MEI1: variants seen among roughly 807,000 people sequenced by gnomAD.
MEI1 encodes the protein meiosis inhibitor protein 1.
In MEI1, 103 loss-of-function variants were observed where a neutral mutation model predicts 146.2. That is an observed-to-expected ratio of 0.70 (90% confidence interval 0.60 to 0.83). The LOEUF is 0.83. Ranked by LOEUF, MEI1 falls within the 40% of genes least tolerant of loss-of-function variation. The probability of loss-of-function intolerance (pLI) is 0.00; values close to 1 mark genes in which losing one functional copy is unlikely to be tolerated. For synonymous variants in MEI1, 652 were observed against 628.2 expected (o/e 1.04, Z -0.57); for missense variants, 1,529 against 1,533.0 (o/e 1.00, Z 0.04).
At chr22:41,721,410 A>AT (rs1189526066) in intron 6 of MEI1, among the ~76,000 whole-genome samples, 1 of 146,930 alleles carries the variant, frequency 6.8e-6, no homozygotes, top group Admixed American at 6.8e-5. Flanking sequence ...ACATCTGGCT[A>AT]TTTTTTTGTA....
intron 18 of MEI1, among the ~76,000 whole-genome samples, chr22:41,760,773 G>T (rs568337329): frequency 6.6e-6 from 1 of 152,306 alleles, no homozygotes; most frequent in African/African-American, 2.4e-5. Context: ...TGCATGCACC[G>T]GCGGTCAGAG....
chr22:41,791,278 C>T (rs1465012424), intron 26 of MEI1, among the ~76,000 whole-genome samples: 2 of 151,998 alleles, frequency 1.3e-5, no homozygotes, highest in East Asian at 1.9e-4. Flanking sequence ...CTTGAGTCTA[C>T]GAGTTCCAGA....
In MEI1 at chr22:41,730,569, C is replaced by A; in HGVS notation, c.1028C>A (p.Ser343Tyr). The A allele has an allele frequency of 6.2e-7, 1 of 1,613,896 alleles. No homozygotes were observed. Among genetic ancestry groups the A allele is most frequent in the South Asian group, 1.1e-5 (1 of 91,068 alleles). The change falls in exon 9 of 31, where the codon TCC becomes TAC. Residue 343 changes from serine to tyrosine, a missense_variant. Transcript: ENST00000401548. ...LSSSSEVLVW[S>Y]SCNCLTLLVE... ...TCTTCCAGTGAAGTGCTCGTCTGGTCCAGCTGTAACTGCTTGACACTCCTG... is the reference window on the plus strand; with the variant it reads ...TCTTCCAGTGAAGTGCTCGTCTGGTACAGCTGTAACTGCTTGACACTCCTG...
At chr22:41,796,413 C>G (rs981714427) in intron 30 of MEI1, among the ~76,000 whole-genome samples, 3 of 149,754 alleles carry the variant, frequency 2.0e-5, no homozygotes, top group Non-Finnish European at 3.0e-5. Context: ...ACAGGCTGGT[C>G]TCGAACTCCT....
chr22:41,768,639 CA>C (rs2074998996), intron 19 of MEI1, among the ~76,000 whole-genome samples: 1 of 152,064 alleles, frequency 6.6e-6, no homozygotes, highest in African/African-American at 2.4e-5. Flanking sequence ...TGGCAGAAAG[CA>C]AAGGGGAAGC....
chr22:41,723,803 T>A, intron 6 of MEI1, 140 bp from the exon 7 acceptor site: 2 of 1,112,382 alleles, frequency 1.8e-6, no homozygotes, highest in East Asian at 5.2e-5. Flanking sequence ...AAAAGCAAAT[T>A]GGTGCTTAAG....
rs780563802 is a variant in MEI1, at chr22:41,752,661, G to A, written c.1853+10G>A. The A allele has an allele frequency of 3.1e-6, 5 of 1,588,294 alleles. No homozygotes were observed. Among genetic ancestry groups the A allele is most frequent in the South Asian group, 1.2e-5 (1 of 86,538 alleles). On this transcript the variant is annotated intron_variant, in intron 16 of 30. Coordinates refer to ENST00000401548, the MANE Select transcript of MEI1 (RefSeq NM_152513.4). ...TTTGCAGTGGTCTGAGGTATGTGTGGTCCCAGGCAAGATTGAGTGGCCAAG... is the reference window on the plus strand; with the variant it reads ...TTTGCAGTGGTCTGAGGTATGTGTGATCCCAGGCAAGATTGAGTGGCCAAG...
intron 24 of MEI1, among the ~76,000 whole-genome samples, chr22:41,782,890 C>A (rs1472093225): frequency 6.6e-6 from 1 of 152,154 alleles, no homozygotes; most frequent in Non-Finnish European, 1.5e-5. Context: ...CTAACTCAGG[C>A]CTGATCATTC....
chr22:41,732,796 TG>T (rs2071980397), intron 11 of MEI1, among the ~76,000 whole-genome samples, 193 bp downstream of exon 11: 1 of 150,228 alleles, frequency 6.7e-6, no homozygotes, highest in African/African-American at 2.5e-5. Flanking sequence ...TTTTTTTTTT[TG>T]GAGATGGAGT....
Position 41,748,192 on chromosome 22 carries a change from T to C in MEI1, c.1766T>C (p.Met589Thr). 1.2e-6 allele frequency: 2 copies of C among 1,613,700 alleles called. No homozygotes were observed. The highest frequency in any genetic ancestry group is 1.7e-6 in the Non-Finnish European group (2 of 1,179,684). Residue 589 changes from methionine (M) to threonine (T), a missense_variant, in exon 15 of 31, where the codon ATG becomes ACG. Physicochemically the swap from Met to Thr is moderately conservative, Grantham distance 81. Coordinates refer to ENST00000401548, the MANE Select transcript of MEI1 (RefSeq NM_152513.4). The stretch of plus-strand genomic sequence containing the variant: ...AACCTCTTTGTCATCGTTCCCCACA[T>C]GAAGGAGAAGTTTTCCAAGAAGCTT... ...LHNLFVIVPH[M>T]KEKFSKKLAS...
At chr22:41,759,251 T>G (rs2074297645) in intron 18 of MEI1, 1 of 152,126 alleles carries the variant, frequency 6.6e-6, no homozygotes, top group East Asian at 1.9e-4. Context: ...CCCAGCACTT[T>G]GGGAGGCCGA....
intron 8 of MEI1, 99 bp from the exon 9 acceptor site, chr22:41,730,422 A>G: frequency 1.3e-6 from 1 of 753,640 alleles, no homozygotes; most frequent in Non-Finnish European, 2.4e-6. Flanking sequence ...ATGAAGTAGC[A>G]AGAGTAAGGT....
intron 15 of MEI1, among the ~76,000 whole-genome samples, chr22:41,748,966 C>G (rs781603265): frequency 5.3e-5 from 8 of 152,084 alleles, no homozygotes; most frequent in Non-Finnish European, 1.2e-4. Context: ...CCACGCCCGG[C>G]TAATTTTTTT....
chr22:41,729,534 C>G (rs1470012718), intron 7 of MEI1, 131 bp from the exon 8 acceptor site: 3 of 679,006 alleles, frequency 4.4e-6, no homozygotes, highest in Non-Finnish European at 7.9e-6. Flanking sequence ...GACCACCATC[C>G]TTGTGCCTGG....
At chr22:41,717,706 C>T (rs60647252) in intron 5 of MEI1, among the ~76,000 whole-genome samples, 2,438 of 150,668 alleles carry the variant, frequency 0.016, 63 homozygotes, top group African/African-American at 0.056. Context: ...ACCTCTGCCT[C>T]GTGGGTTTCA....
In MEI1 at chr22:41,799,401, A is replaced by C. The variant is rs865917916; in HGVS notation, c.*102A>C. The C allele has an allele frequency of 2.8e-5, 31 of 1,090,900 alleles. No homozygotes were observed. The highest frequency in any genetic ancestry group is 3.9e-5 in the Admixed American group (2 of 51,852). The allele number at this position is 1,090,900 out of a possible 1,614,324, so 67.6% of individuals were successfully genotyped here. A position where few individuals can be genotyped will look rare whatever the true frequency, so the allele number is the denominator to read the frequency against. On this transcript the variant is annotated 3_prime_UTR_variant, in exon 31 of 31. Coordinates refer to ENST00000401548, the MANE Select transcript of MEI1 (RefSeq NM_152513.4). Reference sequence around the variant, plus strand: ...ATGACAGCTGAAGCTATTCATATGGAGCCATATACTCTATTGTTGAAATAG... The same window carrying C: ...ATGACAGCTGAAGCTATTCATATGGCGCCATATACTCTATTGTTGAAATAG...
At chr22:41,707,754 G>A (rs1028337846) in intron 3 of MEI1, among the ~76,000 whole-genome samples, 6 of 152,174 alleles carry the variant, frequency 3.9e-5, no homozygotes, top group African/African-American at 1.4e-4. Flanking sequence ...AAAGGAAGGA[G>A]CAAATCCCTT....
At chr22:41,737,529 G>A (rs1249467132) in intron 11 of MEI1, among the ~76,000 whole-genome samples, 1 of 150,914 alleles carries the variant, frequency 6.6e-6, no homozygotes, top group Non-Finnish European at 1.5e-5. Context: ...GTGAGCCACC[G>A]CGCCCGGCCT....
intron 7 of MEI1, among the ~76,000 whole-genome samples, chr22:41,724,616 CAAAAA>C (rs545418662): frequency 2.1e-4 from 16 of 75,006 alleles, no homozygotes; most frequent in Admixed American, 1.8e-3. Context: ...GACTCTGTCT[CAAAAA>C]AAAAAAAAAA....
Sources: allele counts gnomAD v4.1 joint callset (sites outside exome capture counted in the v4.1 genomes callset), GRCh38; gene constraint gnomAD v4.1.1; transcripts MANE v1.5; gene names NCBI Gene and HGNC (gene_info 2026-07-23, HGNC 2026-07-21).